SOX6: variants seen among roughly 807,000 people sequenced by gnomAD.
SOX6 encodes the protein transcription factor SOX-6.
A neutral mutation model predicts 97.8 loss-of-function variants in SOX6; 11 were observed. The ratio of observed to expected loss-of-function variants is 0.11; its 90% confidence interval spans 0.07 to 0.19. SOX6 has a LOEUF of 0.19. SOX6 is among the 10% of genes least tolerant of loss of function. The probability of loss-of-function intolerance (pLI) is 1.00; values close to 1 mark genes in which losing one functional copy is unlikely to be tolerated. For missense variants in SOX6, 810 were observed against 1,039.5 expected (o/e 0.78, Z 3.04); for synonymous variants, 360 against 371.4 (o/e 0.97, Z 0.35).
intron 1 of SOX6, among the ~76,000 whole-genome samples, chr11:16,388,238 G>A (rs1858052760): frequency 6.6e-6 from 1 of 152,104 alleles, no homozygotes; most frequent in African/African-American, 2.4e-5. Flanking sequence ...TTTTCCAAAT[G>A]TTAAACCAAT....
upstream of SOX6, among the ~76,000 whole-genome samples, chr11:16,481,106 T>G (rs1307346191): frequency 6.6e-6 from 1 of 152,180 alleles, no homozygotes; most frequent in Non-Finnish European, 1.5e-5. Flanking sequence ...CAAAGCTCCA[T>G]CAATTTAAAA....
intron 1 of SOX6, among the ~76,000 whole-genome samples, chr11:16,405,934 T>A (rs1392993555): frequency 6.6e-6 from 1 of 152,080 alleles, no homozygotes; most frequent in Non-Finnish European, 1.5e-5. Context: ...TAGTCAAAAT[T>A]GCTCTCGACA....
intron 6 of SOX6, among the ~76,000 whole-genome samples, chr11:16,129,343 T>C (rs1052856392): frequency 6.6e-6 from 1 of 152,178 alleles, no homozygotes; most frequent in Non-Finnish European, 1.5e-5. Context: ...ATTGCCTCTC[T>C]TCCTCTTTTT....
chr11:16,001,378 T>C (rs1231498317), intron 13 of SOX6, among the ~76,000 whole-genome samples: 1 of 152,134 alleles, frequency 6.6e-6, no homozygotes, highest in African/African-American at 2.4e-5. Flanking sequence ...GGCAGATATC[T>C]TTTCACCCAC....
intron 12 of SOX6, among the ~76,000 whole-genome samples, chr11:16,015,572 T>C (rs1000400987): frequency 6.6e-6 from 1 of 152,002 alleles, no homozygotes; most frequent in African/African-American, 2.4e-5. Flanking sequence ...TGTCTCAGAA[T>C]TTCAACTGTG....
At position 16,234,571 on chromosome 11, in the gene SOX6, T is replaced by C. The variant is rs1437314333; in HGVS notation, c.535+11A>G. 8.1e-6 allele frequency: 12 copies of C among 1,483,770 alleles called. No individual in the cohort carries two copies. The highest frequency in any genetic ancestry group is 1.1e-5 in the Non-Finnish European group (12 of 1,066,476). The allele number at this position is 1,483,770 out of a possible 1,614,324, so 91.9% of individuals were successfully genotyped here. ...ACTGCATTGACATGTTCGATATATT[T>C]TATGTTGTACCTTTAATTTCTCCAA... On this transcript the variant is annotated intron_variant, in intron 4 of 15. Transcript: ENST00000683767.
At chr11:16,222,576 G>A (rs1013305) in intron 4 of SOX6, among the ~76,000 whole-genome samples, 12,841 of 152,030 alleles carry the variant, frequency 0.084, 953 homozygotes, top group East Asian at 0.25. Context: ...AAATTTTCTC[G>A]TTTAATTTCT....
At chr11:16,327,476 G>A (rs1457237507) in intron 2 of SOX6, among the ~76,000 whole-genome samples, 2 of 152,026 alleles carry the variant, frequency 1.3e-5, no homozygotes, top group African/African-American at 4.8e-5. Flanking sequence ...CATTATCAAT[G>A]TTCACCTCAA....
chr11:16,435,469 G>A (rs574448359), intron 1 of SOX6, among the ~76,000 whole-genome samples: 37 of 152,082 alleles, frequency 2.4e-4, no homozygotes, highest in South Asian at 1.7e-3. Context: ...TAATAATACC[G>A]TCTATTAGTC....
At chr11:16,077,431 C>A (rs112307371) in intron 9 of SOX6, among the ~76,000 whole-genome samples, 8,433 of 152,134 alleles carry the variant, frequency 0.055, 616 homozygotes, top group East Asian at 0.37. Context: ...AACAAAAGTA[C>A]CATTTGACCC....
chr11:16,623,632 T>C (rs1207767336), intron 3 of SOX6, among the ~76,000 whole-genome samples: 1 of 152,208 alleles, frequency 6.6e-6, no homozygotes, highest in African/African-American at 2.4e-5. Flanking sequence ...ATGAACTCTT[T>C]ACATAAACCA....
chr11:16,488,447 T>C (rs1400758842), intron 4 of SOX6, among the ~76,000 whole-genome samples: 2 of 152,198 alleles, frequency 1.3e-5, no homozygotes, highest in East Asian at 1.9e-4. Flanking sequence ...AAATGCTTCC[T>C]AGATGGGGTA....
At chr11:16,153,826 G>A (rs1350717969) in intron 6 of SOX6, among the ~76,000 whole-genome samples, 1 of 151,824 alleles carries the variant, frequency 6.6e-6, no homozygotes, top group African/African-American at 2.4e-5. Context: ...GAAAATCTAA[G>A]CATTTTTAAA....
intron 6 of SOX6, among the ~76,000 whole-genome samples, chr11:16,148,662 C>T (rs1474100502): frequency 2.0e-5 from 3 of 152,086 alleles, no homozygotes; most frequent in African/African-American, 7.2e-5. Flanking sequence ...AAAACATGGG[C>T]CCCTCTACTG....
intron 9 of SOX6, among the ~76,000 whole-genome samples, chr11:16,092,260 G>A (rs1295016553): frequency 6.6e-6 from 1 of 151,848 alleles, no homozygotes; most frequent in African/African-American, 2.4e-5. Context: ...TTTTGGGGGG[G>A]ACAGGTTTGA....
chr11:16,293,636 G>T (rs1008963631), intron 3 of SOX6, among the ~76,000 whole-genome samples: 1 of 152,066 alleles, frequency 6.6e-6, no homozygotes, highest in Non-Finnish European at 1.5e-5. Flanking sequence ...GTAGGGGTGG[G>T]AGTGGGGAGA....
upstream of SOX6, among the ~76,000 whole-genome samples, chr11:16,480,803 T>C (rs1860329531): frequency 6.6e-6 from 1 of 152,136 alleles, no homozygotes; most frequent in African/African-American, 2.4e-5. Flanking sequence ...ACAAATTTTG[T>C]CCACTTTTAC....
chr11:16,243,189 G>A (rs978805426), intron 3 of SOX6, among the ~76,000 whole-genome samples: 12 of 151,814 alleles, frequency 7.9e-5, no homozygotes. Context: ...TATCTGTCAG[G>A]CACTGTATTT....
chr11:16,632,132 G>A (rs1420557844), intron 3 of SOX6, among the ~76,000 whole-genome samples: 3 of 152,078 alleles, frequency 2.0e-5, no homozygotes, highest in African/African-American at 7.2e-5. Context: ...ATCCTTTAGT[G>A]GTGTCATTAC....
Sources: allele counts gnomAD v4.1 joint callset (sites outside exome capture counted in the v4.1 genomes callset), GRCh38; gene constraint gnomAD v4.1.1; transcripts MANE v1.5; gene names NCBI Gene and HGNC (gene_info 2026-07-23, HGNC 2026-07-21).